The following HEATR4 variants were observed in gnomAD, a reference collection of about 807,000 sequenced individuals.
The protein encoded by HEATR4 is HEAT repeat containing 4, also known as HEAT repeat-containing protein 4.
HEATR4 carries 95 observed loss-of-function variants against 108.8 expected under a neutral mutation model. That is an observed-to-expected ratio of 0.87 (90% CI 0.74 to 1.04). HEATR4 has a LOEUF of 1.04. Among genes scored for constraint, HEATR4 ranks in the 50% least tolerant of loss-of-function variants. The probability of loss-of-function intolerance (pLI) is 0.00; values close to 1 mark genes in which losing one functional copy is unlikely to be tolerated. For missense variants in HEATR4, 1,152 were observed against 1,253.8 expected (o/e 0.92, Z 1.23); for synonymous variants, 443 against 459.4 (o/e 0.96, Z 0.46).
chr14:73,517,761 G>A (rs1288096523), intron 5 of HEATR4, among the ~76,000 whole-genome samples: 1 of 148,986 alleles, frequency 6.7e-6, no homozygotes, highest in African/African-American at 2.5e-5. Flanking sequence ...AAAGGGAGAA[G>A]GAAAGGAAGG....
the HEATR4 span, among the ~76,000 whole-genome samples, chr14:73,616,111 C>T: frequency 6.6e-6 from 1 of 151,984 alleles, no homozygotes; most frequent in African/African-American, 2.4e-5. Flanking sequence ...AGACTATAGG[C>T]AAGTGCCATC....
chr14:73,611,309 G>A, the HEATR4 span, among the ~76,000 whole-genome samples: 1 of 152,158 alleles, frequency 6.6e-6, no homozygotes, highest in Non-Finnish European at 1.5e-5. Flanking sequence ...AAAACAAGAG[G>A]AGAGTCAAGG....
chr14:73,632,854 A>G, the HEATR4 span, among the ~76,000 whole-genome samples: 1 of 148,810 alleles, frequency 6.7e-6, no homozygotes, highest in Non-Finnish European at 1.5e-5. Context: ...AAAAAAAAAA[A>G]AAAAAGAAGA....
chr14:73,491,565 C>T (rs1458125500), intron 17 of HEATR4: 2 of 1,540,702 alleles, frequency 1.3e-6, no homozygotes, highest in African/African-American at 1.4e-5. Flanking sequence ...GCCTGGGACT[C>T]CCCGCTGCGG....
intron 15 of HEATR4, among the ~76,000 whole-genome samples, chr14:73,496,284 GA>G (rs1208727769): frequency 6.6e-6 from 1 of 152,090 alleles, no homozygotes; most frequent in Admixed American, 6.6e-5. Context: ...TGAAAAAAAG[GA>G]AAAATAAACA....
In HEATR4 at chr14:73,548,951, T is replaced by TC. The variant is rs1457066364; in HGVS notation, c.-152+9799_-152+9800insG. Among the ~76,000 whole-genome samples, 180 of 105,750 alleles carry TC rather than the reference T, an allele frequency of 1.7e-3. 39 individuals are homozygous for TC. The highest frequency in any genetic ancestry group is 5.0e-3 in the African/African-American group (167 of 33,308). The allele number at this position is 105,750 out of a possible 152,430, so 69.4% of individuals were successfully genotyped here. ...CCTCACATCTTTCTCTCTCTCTCTC[T>TC]TTTTTTTTTTTCTGGTGGTGAGGAC... On this transcript the variant is annotated intron_variant, in intron 1 of 17. Coordinates refer to ENST00000553558, the MANE Select transcript of HEATR4 (RefSeq NM_001220484.1).
At position 73,550,312 on chromosome 14, in the gene HEATR4, A is replaced by G. The variant is rs1406505642; in HGVS notation, c.-152+8439T>C. Among the ~76,000 whole-genome samples the G allele has an allele frequency of 2.7e-5, 3 of 111,742 alleles. 1 individual carries two copies. Among genetic ancestry groups the G allele is most frequent in the Non-Finnish European group, 5.8e-5 (3 of 51,644 alleles). The allele number at this position is 111,742 out of a possible 152,430, so 73.3% of individuals were successfully genotyped here. A position where few individuals can be genotyped will look rare whatever the true frequency, so the allele number is the denominator to read the frequency against. ...CAACACAGTGAGCCTCAGCATTCGC[A>G]TTGTCATTGCGCTCATTCAAGCAAA... On this transcript the variant is annotated intron_variant, in intron 1 of 17. Transcript: ENST00000553558.
chr14:73,562,995 C>A (rs576612192), upstream of HEATR4, among the ~76,000 whole-genome samples: 1 of 151,838 alleles, frequency 6.6e-6, no homozygotes, highest in Non-Finnish European at 1.5e-5. Flanking sequence ...TTTGTTAGAA[C>A]CTTATTAGTG....
intron 10 of HEATR4, among the ~76,000 whole-genome samples, chr14:73,504,980 GGAGTGCAGTGGCAC>G (rs1886719626): frequency 6.6e-6 from 1 of 151,966 alleles, no homozygotes; most frequent in Non-Finnish European, 1.5e-5. Context: ...CGCCCAGGCT[GGAGTGCAGTGGCAC>G]GATCTTGGCT....
chr14:73,576,936 T>C, the HEATR4 span, among the ~76,000 whole-genome samples: 1 of 145,406 alleles, frequency 6.9e-6, no homozygotes, highest in African/African-American at 2.5e-5. Flanking sequence ...TCTTTTCTTT[T>C]TTTTTTTTTT....
chr14:73,565,793 T>C, the HEATR4 span, among the ~76,000 whole-genome samples: 1 of 152,034 alleles, frequency 6.6e-6, no homozygotes, highest in Non-Finnish European at 1.5e-5. Context: ...AAAGGCAGTG[T>C]GGACGCAAAG....
chr14:73,488,519 C>T (rs1212398514), intron 17 of HEATR4, among the ~76,000 whole-genome samples: 2 of 152,034 alleles, frequency 1.3e-5, no homozygotes, highest in African/African-American at 4.8e-5. Context: ...ATCCACCCAC[C>T]TTGGCCTCCT....
At chr14:73,540,268 A>C (rs142395632) in intron 1 of HEATR4, among the ~76,000 whole-genome samples, 822 of 151,138 alleles carry the variant, frequency 5.4e-3, no homozygotes, top group African/African-American at 0.019. Context: ...AAGCCATTGC[A>C]GATGAGCAGT....
At chr14:73,485,137 C>T (rs1885402589) in intron 17 of HEATR4, among the ~76,000 whole-genome samples, 1 of 151,546 alleles carries the variant, frequency 6.6e-6, no homozygotes, top group Admixed American at 6.6e-5. Flanking sequence ...GCACTCCAGC[C>T]TGGGTGACAG....
At chr14:73,605,817 C>T in the HEATR4 span, among the ~76,000 whole-genome samples, 2 of 151,998 alleles carry the variant, frequency 1.3e-5, no homozygotes, top group Admixed American at 1.3e-4. Context: ...GTGATCTACC[C>T]ACCTTGGCCT....
chr14:73,605,556 C>CTTTTTTTTTTTTTT, the HEATR4 span, among the ~76,000 whole-genome samples: 3 of 56,914 alleles, frequency 5.3e-5, no homozygotes, highest in Non-Finnish European at 1.1e-4. Flanking sequence ...CTGTAAGATT[C>CTTTTTTTTTTTTTT]TTTTTTTTTT....
chr14:73,607,239 A>G, the HEATR4 span, among the ~76,000 whole-genome samples: 2 of 152,174 alleles, frequency 1.3e-5, no homozygotes, highest in Non-Finnish European at 2.9e-5. Flanking sequence ...GAACCTGGGA[A>G]GCAGAGGTTG....
the HEATR4 span, chr14:73,612,592 G>A: frequency 6.4e-6 from 9 of 1,410,194 alleles, no homozygotes; most frequent in South Asian, 7.1e-5. Context: ...CGCTGATCCT[G>A]GAGCCCGCGG....
the HEATR4 span, chr14:73,595,110 T>C: frequency 1.2e-5 from 20 of 1,614,090 alleles, no homozygotes; most frequent in Non-Finnish European, 1.6e-5. Flanking sequence ...TGTCTCTCAA[T>C]GGCCTCATTC....
Sources: allele counts gnomAD v4.1 joint callset (sites outside exome capture counted in the v4.1 genomes callset), GRCh38; gene constraint gnomAD v4.1.1; transcripts MANE v1.5; gene names NCBI Gene and HGNC (gene_info 2026-07-23, HGNC 2026-07-21).